Variants in LNX1 observed in about 807,000 individuals in gnomAD.
LNX1 encodes the protein E3 ubiquitin-protein ligase LNX.
Under a neutral mutation model 68.4 loss-of-function variants are expected in LNX1, and 54 were observed. The ratio of observed to expected loss-of-function variants is 0.79; its 90% CI spans 0.63 to 0.99. The LOEUF (loss-of-function observed/expected upper bound fraction) is 0.99. Ranked by LOEUF, LNX1 falls within the 50% of genes least tolerant of loss-of-function variation. LNX1 has a pLI of 0.00. For missense variants in LNX1, 906 were observed against 926.4 expected (o/e 0.98, Z 0.29); for synonymous variants, 336 against 350.0 (o/e 0.96, Z 0.45).
intron 6 of LNX1, among the ~76,000 whole-genome samples, chr4:53,493,479 C>T (rs963821317): frequency 3.3e-5 from 5 of 152,170 alleles, no homozygotes; most frequent in African/African-American, 1.2e-4. Context: ...TACCCTCTGC[C>T]TCAGGCTGCC....
intron 1 of LNX1, chr4:53,575,894 G>A: frequency 1.9e-6 from 3 of 1,577,116 alleles, no homozygotes; most frequent in Admixed American, 1.8e-5. Context: ...AGCCTGCAAG[G>A]GGAGGACTGC....
intron 2 of LNX1, among the ~76,000 whole-genome samples, chr4:53,600,426 T>G (rs1465496781): frequency 6.6e-6 from 1 of 152,096 alleles, no homozygotes; most frequent in Non-Finnish European, 1.5e-5. Flanking sequence ...TGGGAAAGTG[T>G]TTTCCTTCCC....
intron 6 of LNX1, among the ~76,000 whole-genome samples, chr4:53,493,561 G>T (rs982678863): frequency 6.6e-6 from 1 of 152,212 alleles, no homozygotes; most frequent in East Asian, 1.9e-4. Flanking sequence ...CTACTGTACA[G>T]GACAGTGCAG....
chr4:53,551,309 G>A (rs186850713), intron 2 of LNX1, among the ~76,000 whole-genome samples: 1,600 of 152,264 alleles, frequency 0.011, 13 homozygotes, highest in Admixed American at 0.016. Flanking sequence ...CAACCATCAG[G>A]TGATGGTCAG....
At chr4:53,641,144 C>T (rs1734664935) in intron 1 of LNX1, among the ~76,000 whole-genome samples, 2 of 142,732 alleles carry the variant, frequency 1.4e-5, no homozygotes, top group Admixed American at 6.9e-5. Context: ...GGTTTTTTGG[C>T]CTGGGTATGC....
intron 1 of LNX1, among the ~76,000 whole-genome samples, chr4:53,579,616 G>A (rs1385471503): frequency 1.3e-5 from 2 of 152,122 alleles, no homozygotes. Flanking sequence ...ATTCGAGATC[G>A]TGTGTCTACT....
intron 9 of LNX1, among the ~76,000 whole-genome samples, chr4:53,465,047 A>G (rs1209771075): frequency 1.3e-5 from 2 of 152,270 alleles, no homozygotes; most frequent in Admixed American, 6.5e-5. Context: ...TTACATCCTA[A>G]CAATTTATGG....
At chr4:53,565,385 C>T (rs1157032481) in intron 2 of LNX1, among the ~76,000 whole-genome samples, 1 of 151,990 alleles carries the variant, frequency 6.6e-6, no homozygotes, top group Non-Finnish European at 1.5e-5. Context: ...CCAGCAGGGG[C>T]ACACTGACAC....
chr4:53,520,173 C>T (rs1289700313), intron 2 of LNX1, among the ~76,000 whole-genome samples: 1 of 152,222 alleles, frequency 6.6e-6, no homozygotes, highest in African/African-American at 2.4e-5. Context: ...CCCCAAACTG[C>T]TGCTGAAGGC....
chr4:53,635,947 C>A (rs184632734), intron 1 of LNX1, among the ~76,000 whole-genome samples: 1 of 152,250 alleles, frequency 6.6e-6, no homozygotes. Context: ...TGGGCTGATA[C>A]GGCCAGTGAT....
chr4:53,552,828 C>CA (rs11375920), intron 2 of LNX1, among the ~76,000 whole-genome samples: 73,772 of 109,360 alleles, frequency 0.67, 23,683 homozygotes, highest in Middle Eastern at 0.76. Context: ...GACTCCATCT[C>CA]AAAAAAAAAA....
At chr4:53,558,071 T>G (rs976876585) in intron 2 of LNX1, 45 of 1,532,760 alleles carry the variant, frequency 2.9e-5, no homozygotes, top group Non-Finnish European at 3.8e-5. Flanking sequence ...CCACAATCAG[T>G]AGATCACAAA....
chr4:53,493,520 C>T (rs1472979272), intron 6 of LNX1, among the ~76,000 whole-genome samples: 1 of 152,216 alleles, frequency 6.6e-6, no homozygotes, highest in South Asian at 2.1e-4. Context: ...TACCATCCAA[C>T]ACTTGGTCCT....
chr4:53,461,362 C>T, intron 10 of LNX1, 73 bp downstream of exon 10: 1 of 1,240,216 alleles, frequency 8.1e-7, no homozygotes, highest in Non-Finnish European at 1.1e-6. Flanking sequence ...TGCCTTATCT[C>T]AAATGGGGCC....
chr4:53,557,743 G>A, intron 2 of LNX1: 1 of 1,017,698 alleles, frequency 9.8e-7, no homozygotes, highest in South Asian at 2.0e-5. Flanking sequence ...CTGCTGGCAG[G>A]GTGCTTTGTC....
chr4:53,502,479 A>G (rs1046213877), intron 4 of LNX1, among the ~76,000 whole-genome samples: 2 of 152,246 alleles, frequency 1.3e-5, no homozygotes, highest in African/African-American at 4.8e-5. Flanking sequence ...ATGCTGTTTA[A>G]CGATCATCTG....
intron 2 of LNX1, among the ~76,000 whole-genome samples, chr4:53,556,456 CAT>C (rs1729916759): frequency 6.6e-6 from 1 of 152,172 alleles, no homozygotes. Context: ...AGGAAACCAA[CAT>C]AGCAACGAAG....
intron 2 of LNX1, among the ~76,000 whole-genome samples, chr4:53,561,872 T>C (rs1730313823): frequency 6.6e-6 from 1 of 152,100 alleles, no homozygotes; most frequent in Admixed American, 6.5e-5. Flanking sequence ...CAAACCATCA[T>C]GACACACATA....
At chr4:53,626,206 A>T (rs1425470681) in intron 1 of LNX1, among the ~76,000 whole-genome samples, 1 of 152,170 alleles carries the variant, frequency 6.6e-6, no homozygotes, top group African/African-American at 2.4e-5. Context: ...GCAGATAGAA[A>T]ATATGTTCGT....
Sources: allele counts gnomAD v4.1 joint callset (sites outside exome capture counted in the v4.1 genomes callset), GRCh38; gene constraint gnomAD v4.1.1; transcripts MANE v1.5; gene names NCBI Gene and HGNC (gene_info 2026-07-23, HGNC 2026-07-21).